The following MYO1D variants were observed in gnomAD, a reference collection of about 807,000 sequenced individuals.
The protein encoded by MYO1D is myosin ID, also known as unconventional myosin-Id.
Under a neutral mutation model 122.0 loss-of-function variants are expected in MYO1D, and 83 were observed. That is an observed-to-expected ratio of 0.68 (90% CI 0.57 to 0.82). The LOEUF is 0.82. MYO1D is among the 40% of genes least tolerant of loss of function. MYO1D has a pLI of 0.00. For missense variants in MYO1D, 1,157 were observed against 1,269.5 expected, an observed-to-expected ratio of 0.91 and a Z score of 1.35; for synonymous variants, 464 against 446.9, an observed-to-expected ratio of 1.04 and a Z score of -0.48.
chr17:32,643,671 T>G (rs1273850871), intron 19 of MYO1D, among the ~76,000 whole-genome samples: 5 of 152,210 alleles, frequency 3.3e-5, no homozygotes, highest in African/African-American at 1.2e-4. Context: ...GTCCAGGAAT[T>G]TATCCATTTC....
chr17:32,866,805 AAAG>A (rs1443471474), intron 1 of MYO1D, among the ~76,000 whole-genome samples: 16 of 152,200 alleles, frequency 1.1e-4, no homozygotes, highest in African/African-American at 3.9e-4. Flanking sequence ...AGAGAGAAGA[AAAG>A]AAGGCCAGGA....
intron 16 of MYO1D, among the ~76,000 whole-genome samples, chr17:32,663,255 G>T (rs1456309340): frequency 6.6e-6 from 1 of 152,038 alleles, no homozygotes; most frequent in Non-Finnish European, 1.5e-5. Context: ...CAGATTTTTT[G>T]CCTCCGTCAC....
chr17:32,567,741 G>T (rs2087186262), intron 21 of MYO1D, among the ~76,000 whole-genome samples: 1 of 152,184 alleles, frequency 6.6e-6, no homozygotes, highest in Admixed American at 6.5e-5. Context: ...AGCCCTGGAA[G>T]AAGGGAGCAT....
rs141889814 is a variant in MYO1D at position 32,833,502 on chromosome 17, C to T, written c.95+43276G>A. 2.5e-3 allele frequency among the ~76,000 whole-genome samples: 374 copies of T among 152,256 alleles called. 3 individuals carry two copies. Among genetic ancestry groups the T allele is most frequent in the African/African-American group, 8.5e-3 (353 of 41,522 alleles). On this transcript the variant is annotated intron_variant, in intron 1 of 21. Coordinates refer to ENST00000318217, the MANE Select transcript of MYO1D (RefSeq NM_015194.3). ...TTCAATTTATTCTTAAAACAGCAGC[C>T]GGAGTAATTCCGTTAACATGTAAGT...
chr17:32,609,390 C>A (rs540638739), intron 20 of MYO1D, among the ~76,000 whole-genome samples: 1 of 152,172 alleles, frequency 6.6e-6, no homozygotes, highest in East Asian at 1.9e-4. Flanking sequence ...GACAGACGTG[C>A]AGAAGATGCT....
chr17:32,520,212 C>G (rs192821700), intron 21 of MYO1D, among the ~76,000 whole-genome samples: 1 of 152,130 alleles, frequency 6.6e-6, no homozygotes, highest in Non-Finnish European at 1.5e-5. Context: ...GGGTGGAAAC[C>G]GGTCTGAACC....
intron 16 of MYO1D, chr17:32,684,179 G>C (rs956587231): frequency 6.4e-6 from 1 of 157,244 alleles, no homozygotes; most frequent in African/African-American, 2.4e-5. Context: ...CGGTACCTCA[G>C]ATGGAAATGC....
At chr17:32,722,917 G>A (rs1383872264) in intron 14 of MYO1D, among the ~76,000 whole-genome samples, 2 of 152,058 alleles carry the variant, frequency 1.3e-5, no homozygotes, top group African/African-American at 2.4e-5. Context: ...AGAAAACTCC[G>A]TCATGTGCTG....
At chr17:32,546,986 T>C (rs899016756) in intron 21 of MYO1D, among the ~76,000 whole-genome samples, 2 of 150,242 alleles carry the variant, frequency 1.3e-5, no homozygotes, top group African/African-American at 4.9e-5. Flanking sequence ...CACAGCCCAC[T>C]ACAGCCTCAA....
chr17:32,867,916 A>C (rs2091143160), intron 1 of MYO1D, among the ~76,000 whole-genome samples: 2 of 147,990 alleles, frequency 1.4e-5, no homozygotes, highest in Admixed American at 1.3e-4. Flanking sequence ...TAGATTTAAA[A>C]AAAAAACAAA....
intron 21 of MYO1D, among the ~76,000 whole-genome samples, chr17:32,576,365 C>T (rs1236428505): frequency 6.6e-6 from 1 of 152,136 alleles, no homozygotes; most frequent in Non-Finnish European, 1.5e-5. Flanking sequence ...GAATCAACTA[C>T]CAAGGACAAT....
At chr17:32,560,926 T>TC (rs2087119529) in intron 21 of MYO1D, among the ~76,000 whole-genome samples, 1 of 150,862 alleles carries the variant, frequency 6.6e-6, no homozygotes, top group African/African-American at 2.4e-5. Flanking sequence ...CTTTTTTTTT[T>TC]TTTTTTGAGA....
At chr17:32,518,067 C>G (rs1463611154) in intron 21 of MYO1D, among the ~76,000 whole-genome samples, 1 of 151,816 alleles carries the variant, frequency 6.6e-6, no homozygotes, top group Non-Finnish European at 1.5e-5. Context: ...ACCCTCTGGA[C>G]AGCACCTGGC....
intron 1 of MYO1D, among the ~76,000 whole-genome samples, chr17:32,866,742 C>T (rs1598167356): frequency 6.6e-6 from 1 of 152,240 alleles, no homozygotes; most frequent in African/African-American, 2.4e-5. Context: ...TATTTTTGAG[C>T]AATGGAAGCT....
At chr17:32,874,371 C>T (rs1389564272) in intron 1 of MYO1D, among the ~76,000 whole-genome samples, 1 of 123,930 alleles carries the variant, frequency 8.1e-6, no homozygotes, top group East Asian at 2.2e-4. Context: ...GAGACAGGGT[C>T]GTGCTCTATT....
At chr17:32,580,341 C>T (rs1250217293) in intron 21 of MYO1D, among the ~76,000 whole-genome samples, 3 of 72,318 alleles carry the variant, frequency 4.1e-5, no homozygotes, top group African/African-American at 1.2e-4. Context: ...AAATGGATGC[C>T]GGATTTTAAA....
At chr17:32,679,923 T>C (rs1221844241) in intron 16 of MYO1D, among the ~76,000 whole-genome samples, 2 of 150,082 alleles carry the variant, frequency 1.3e-5, no homozygotes, top group African/African-American at 5.0e-5. Flanking sequence ...GTTTGTATCC[T>C]CTTTTATTTC....
At chr17:32,625,171 T>A (rs1468291851) in intron 20 of MYO1D, among the ~76,000 whole-genome samples, 4 of 152,232 alleles carry the variant, frequency 2.6e-5, no homozygotes, top group Non-Finnish European at 5.9e-5. Context: ...TCATCTTGAT[T>A]ATTCAGTTTC....
intron 20 of MYO1D, among the ~76,000 whole-genome samples, chr17:32,613,651 G>A (rs2087732486): frequency 6.6e-6 from 1 of 151,952 alleles, no homozygotes; most frequent in Non-Finnish European, 1.5e-5. Context: ...GTGCGTGCCT[G>A]TAATCCCAGC....
Sources: allele counts gnomAD v4.1 joint callset (sites outside exome capture counted in the v4.1 genomes callset), GRCh38; gene constraint gnomAD v4.1.1; transcripts MANE v1.5; gene names NCBI Gene and HGNC (gene_info 2026-07-23, HGNC 2026-07-21).